The following ACTN2 variants were observed in gnomAD, a reference collection of about 807,000 sequenced individuals.
The protein encoded by ACTN2 is actinin alpha 2, also known as alpha-actinin-2.
A neutral mutation model predicts 113.8 loss-of-function variants in ACTN2; 39 were observed. That is an observed-to-expected ratio of 0.34 (90% CI 0.27 to 0.45). The LOEUF (loss-of-function observed/expected upper bound fraction) is 0.45, where lower values mean the gene tolerates loss of function less well. Among genes scored for constraint, ACTN2 ranks in the 20% least tolerant of loss-of-function variants. The pLI, the probability that ACTN2 is intolerant of heterozygous loss-of-function variation, is 1.00. For missense variants in ACTN2, 992 were observed against 1,177.9 expected, an observed-to-expected ratio of 0.84 and a Z score of 2.31; for synonymous variants, 429 against 444.1, an observed-to-expected ratio of 0.97 and a Z score of 0.43.
intron 4 of ACTN2, 66 bp from the exon 5 acceptor site, chr1:236,725,867 T>G: frequency 6.8e-7 from 1 of 1,462,256 alleles, no homozygotes; most frequent in Non-Finnish European, 9.6e-7. Flanking sequence ...GTTTCAAAAG[T>G]GACTAGGAGC....
At chr1:236,751,369 C>G (rs1436346963) in intron 14 of ACTN2, 101 bp from the exon 15 acceptor site, 20 of 1,386,066 alleles carry the variant, frequency 1.4e-5, no homozygotes, top group Admixed American at 3.8e-5. Context: ...GAGACTCTTG[C>G]AATCATCAAG....
In ACTN2 at chr1:236,751,451, A is replaced by G. The variant is rs1182422103; in HGVS notation, c.1657-19A>G. Reference sequence around the variant, plus strand: ...CACTCAAGCCACATTGTTTTTCTCCACTTGTGTCTCGGGTGTAGAGTCTGA... The same window carrying G: ...CACTCAAGCCACATTGTTTTTCTCCGCTTGTGTCTCGGGTGTAGAGTCTGA... On this transcript the variant is annotated intron_variant, in intron 14 of 20. Coordinates refer to ENST00000366578, the MANE Select transcript of ACTN2 (RefSeq NM_001103.4). 5 of 1,613,392 alleles carry G rather than the reference A, an allele frequency of 3.1e-6. No homozygotes were observed. The African/African-American group carries it at 5.3e-5, about 17-fold the overall frequency.
rs1402138776 is a variant in ACTN2, at chr1:236,735,631, T to C, written c.698-4T>C. On this transcript the variant is annotated splice_polypyrimidine_tract_variant and splice_region_variant and intron_variant, in intron 7 of 20. Coordinates refer to ENST00000366578, the MANE Select transcript of ACTN2 (RefSeq NM_001103.4). The stretch of plus-strand genomic sequence containing the variant: ...GCGTCCTGTGTTATTTTCTCCCCCT[T>C]CAGACATCGTGAACACCCCTAAACC... 1 of 1,613,622 alleles carries C rather than the reference T, an allele frequency of 6.2e-7. No individual in the cohort carries two copies. The highest frequency in any genetic ancestry group is 8.5e-7 in the Non-Finnish European group (1 of 1,179,664).
rs1437474093 is a variant in ACTN2, at chr1:236,764,082, C to T, written c.*1463C>T. 1 of 152,268 alleles carries T rather than the reference C, an allele frequency of 6.6e-6. No individual in the cohort carries two copies. Among genetic ancestry groups the T allele is most frequent in the East Asian group, 1.9e-4 (1 of 5,188 alleles). The allele number at this position is 152,268 out of a possible 1,614,324, so 9.4% of individuals were successfully genotyped here. A position where few individuals can be genotyped will look rare whatever the true frequency, so the allele number is the denominator to read the frequency against. ...GTTTGCTCAGATTTTTATAGATTTCCACCAACAGCTGGAAATGTAATATTT... is the reference window on the plus strand; with the variant it reads ...GTTTGCTCAGATTTTTATAGATTTCTACCAACAGCTGGAAATGTAATATTT... On this transcript the variant is annotated 3_prime_UTR_variant, in exon 21 of 21. Coordinates refer to ENST00000366578, the MANE Select transcript of ACTN2 (RefSeq NM_001103.4).
intron 18 of ACTN2, 30 bp from the exon 19 acceptor site, chr1:236,759,694 A>G: frequency 1.2e-6 from 2 of 1,606,484 alleles, no homozygotes; most frequent in South Asian, 2.2e-5. Context: ...CCCTGTGCTC[A>G]CCTGCTCTGT....
intron 18 of ACTN2, among the ~76,000 whole-genome samples, chr1:236,758,527 G>A (rs1046107786): frequency 6.7e-6 from 1 of 148,318 alleles, no homozygotes; most frequent in Non-Finnish European, 1.5e-5. Context: ...CTGATCTCAT[G>A]ATCCACCCAC....
chr1:236,729,091 G>A (rs546582776), intron 6 of ACTN2, among the ~76,000 whole-genome samples: 34 of 152,114 alleles, frequency 2.2e-4, no homozygotes, highest in Non-Finnish European at 4.1e-4. Flanking sequence ...CATCATGGGT[G>A]GTGAAACCCT....
At chr1:236,737,062 A>G (rs576719354) in intron 8 of ACTN2, 60 bp from the exon 9 acceptor site, 5 of 1,418,604 alleles carry the variant, frequency 3.5e-6, no homozygotes, top group East Asian at 4.7e-5. Flanking sequence ...ACCTCGTTCC[A>G]TGCTGTGTGT....
At chr1:236,715,455 T>C (rs1007181504) in intron 1 of ACTN2, among the ~76,000 whole-genome samples, 1 of 152,086 alleles carries the variant, frequency 6.6e-6, no homozygotes, top group Non-Finnish European at 1.5e-5. Flanking sequence ...TAATTATCTA[T>C]AGTGTTGTCC....
chr1:236,735,557 C>T, intron 7 of ACTN2, 78 bp from the exon 8 acceptor site: 1 of 1,302,562 alleles, frequency 7.7e-7, no homozygotes, highest in Non-Finnish European at 1.1e-6. Context: ...CCTCTGTTCT[C>T]CCTGGTTTCT....
rs537674505 is a variant in ACTN2, at chr1:236,730,276, T to A, written c.616-957T>A. On this transcript the variant is annotated intron_variant, in intron 6 of 20. Transcript: ENST00000366578. Reference sequence around the variant, plus strand: ...AAAGAACGTTTAGTTAAACACTTTTTTTTTTTTTTTACTGAAATCGCTGTA... The same window carrying A: ...AAAGAACGTTTAGTTAAACACTTTTATTTTTTTTTTACTGAAATCGCTGTA... Among the ~76,000 whole-genome samples, 61 of 151,928 alleles carry A rather than the reference T, an allele frequency of 4.0e-4. 1 individual carries two copies. In the East Asian group the frequency reaches 0.011, roughly 28 times the overall value.
chr1:236,747,908 A>G, intron 13 of ACTN2, 133 bp downstream of exon 13: 1 of 725,670 alleles, frequency 1.4e-6, no homozygotes, highest in East Asian at 2.7e-5. Context: ...TAAAGAAAAC[A>G]TGAAAAGTGG....
At chr1:236,687,968 TC>T (rs769556902) in intron 1 of ACTN2, among the ~76,000 whole-genome samples, 13 of 152,180 alleles carry the variant, frequency 8.5e-5, no homozygotes, top group Non-Finnish European at 1.9e-4. Context: ...TTTCAGTCTC[TC>T]CCCGAGTTTC....
At chr1:236,711,550 G>T (rs755352562) in intron 1 of ACTN2, among the ~76,000 whole-genome samples, 2 of 152,074 alleles carry the variant, frequency 1.3e-5, no homozygotes, top group Admixed American at 6.6e-5. Flanking sequence ...GGATTTCACC[G>T]TGTTGATCAG....
intron 10 of ACTN2, among the ~76,000 whole-genome samples, chr1:236,740,791 A>G (rs1659045540): frequency 1.3e-5 from 2 of 152,136 alleles, no homozygotes; most frequent in Non-Finnish European, 2.9e-5. Flanking sequence ...TCGGCCTCCC[A>G]AAGTGCTGGG....
chr1:236,739,264 C>T (rs878871267), intron 9 of ACTN2, 38 bp from the exon 10 acceptor site: 6 of 1,602,958 alleles, frequency 3.7e-6, no homozygotes, highest in Admixed American at 3.3e-5. Flanking sequence ...AGGGGGCTTG[C>T]TGGTGTCTTC....
At chr1:236,729,448 G>A (rs752113586) in intron 6 of ACTN2, among the ~76,000 whole-genome samples, 3 of 152,180 alleles carry the variant, frequency 2.0e-5, no homozygotes, top group Non-Finnish European at 1.5e-5. Context: ...TGCTGAGCTC[G>A]CCATTCACGT....
intron 6 of ACTN2, among the ~76,000 whole-genome samples, chr1:236,728,143 C>CT (rs11436295): frequency 0.23 from 27,967 of 121,058 alleles, 3,246 homozygotes; most frequent in South Asian, 0.3. Flanking sequence ...TAGCCCAAGC[C>CT]TTTTTTTTTT....
intron 18 of ACTN2, among the ~76,000 whole-genome samples, chr1:236,758,834 T>A (rs984591756): frequency 6.6e-6 from 1 of 152,094 alleles, no homozygotes; most frequent in African/African-American, 2.4e-5. Context: ...TTGGCCAGGC[T>A]GGTCTTGAAC....
Sources: gnomAD v4.1 joint callset for allele counts (sites outside exome capture counted in the v4.1 genomes callset) on GRCh38, gnomAD v4.1.1 for gene constraint, MANE v1.5 for transcripts, NCBI Gene and HGNC (gene_info 2026-07-23, HGNC 2026-07-21) for gene names.